The following GRIK4 variants were observed in gnomAD, a reference collection of about 807,000 sequenced individuals.
GRIK4 encodes the protein glutamate receptor ionotropic, kainate 4.
A neutral mutation model predicts 104.9 loss-of-function variants in GRIK4; 40 were observed. The ratio of observed to expected loss-of-function variants is 0.38; its 90% CI spans 0.30 to 0.50. The LOEUF (loss-of-function observed/expected upper bound fraction) is 0.50. Among genes scored for constraint, GRIK4 ranks in the 20% least tolerant of loss-of-function variants. The probability of loss-of-function intolerance (pLI) is 0.93; values close to 1 mark genes in which losing one functional copy is unlikely to be tolerated. For missense variants in GRIK4, 1,047 were observed against 1,308.1 expected (o/e 0.80, Z 3.08); for synonymous variants, 485 against 524.9 (o/e 0.92, Z 1.04).
At chr11:120,855,167 G>A (rs1343350975) in intron 8 of GRIK4, among the ~76,000 whole-genome samples, 1 of 152,204 alleles carries the variant, frequency 6.6e-6, no homozygotes, top group Non-Finnish European at 1.5e-5. Context: ...AGGGGCGGCT[G>A]AGGCTGCTGG....
intron 8 of GRIK4, among the ~76,000 whole-genome samples, chr11:120,846,582 C>T (rs1953857634): frequency 6.6e-6 from 1 of 152,102 alleles, no homozygotes; most frequent in Non-Finnish European, 1.5e-5. Flanking sequence ...GAGAGGTGGA[C>T]CCAGAGCCAG....
At chr11:120,606,344 C>G (rs879193460) in intron 1 of GRIK4, among the ~76,000 whole-genome samples, 1 of 152,178 alleles carries the variant, frequency 6.6e-6, no homozygotes, top group Admixed American at 6.5e-5. Flanking sequence ...TTGGCATGGA[C>G]CATGGCAGGC....
chr11:120,871,350 G>A (rs73007813), intron 9 of GRIK4: 7,487 of 312,146 alleles, frequency 0.024, 147 homozygotes, highest in Non-Finnish European at 0.037. Context: ...GGACAAGGAC[G>A]GTTGTAGGCT....
intron 1 of GRIK4, among the ~76,000 whole-genome samples, chr11:120,540,272 A>C (rs1343772604): frequency 6.6e-6 from 1 of 152,230 alleles, no homozygotes; most frequent in Admixed American, 6.5e-5. Flanking sequence ...GGTCTGGCAA[A>C]GGGACAGGGG....
Position 120,842,759 on chromosome 11 carries a change from G to A in GRIK4, c.744+5915G>A, listed in dbSNP as rs146336240. Reference sequence around the variant, plus strand: ...TCTCTGTCTTCCAGTCAGCCTCTGGGTTTGGTTGGGGGAAACCTTTGTTGT... The same window carrying A: ...TCTCTGTCTTCCAGTCAGCCTCTGGATTTGGTTGGGGGAAACCTTTGTTGT... On this transcript the variant is annotated intron_variant, in intron 8 of 20. Transcript: ENST00000527524. Among the ~76,000 whole-genome samples, 762 of 152,370 alleles carry A rather than the reference G, an allele frequency of 5.0e-3. 6 individuals are homozygous for A. Among genetic ancestry groups the A allele is most frequent in the African/African-American group, 0.016 (679 of 41,584 alleles).
intron 9 of GRIK4, among the ~76,000 whole-genome samples, chr11:120,864,451 A>G (rs975590641): frequency 1.3e-5 from 2 of 152,054 alleles, no homozygotes; most frequent in African/African-American, 4.8e-5. Flanking sequence ...CGTGTTAGCC[A>G]GGAGTGTCTC....
chr11:120,831,991 C>T lies in GRIK4; in HGVS notation c.651C>T (p.Ile217=), dbSNP rs1177434041. The T allele has an allele frequency of 6.2e-7, 1 of 1,613,824 alleles. No homozygotes were observed. The highest frequency in any genetic ancestry group is 1.3e-5 in the African/African-American group (1 of 75,026). Residue 217 remains isoleucine (I), a synonymous_variant, in exon 7 of 21, where the codon ATC becomes ATT. Transcript: ENST00000527524. ...ACGACAAGACCGCCACCATCATCAT[C>T]CACGCCAACGCCTCCATGTCCCACA... ...IRDDKTATII[I]HANASMSHTI... is the part of the protein sequence containing the mutation.
intron 13 of GRIK4, among the ~76,000 whole-genome samples, chr11:120,931,327 G>A (rs1200426370): frequency 1.3e-5 from 2 of 152,158 alleles, no homozygotes; most frequent in Non-Finnish European, 2.9e-5. Context: ...CAAGGACTTA[G>A]GCACCCCTTG....
At chr11:120,558,376 A>G (rs1398094453) in intron 1 of GRIK4, among the ~76,000 whole-genome samples, 1 of 152,208 alleles carries the variant, frequency 6.6e-6, no homozygotes, top group African/African-American at 2.4e-5. Flanking sequence ...TCATGATGTC[A>G]GGAGATTGAG....
intron 1 of GRIK4, among the ~76,000 whole-genome samples, chr11:120,530,720 G>T (rs1947914497): frequency 6.6e-6 from 1 of 152,126 alleles, no homozygotes; most frequent in Non-Finnish European, 1.5e-5. Context: ...GCCTAAGAAG[G>T]TTCTAAGTCT....
intron 6 of GRIK4, among the ~76,000 whole-genome samples, chr11:120,824,496 T>C (rs1163842616): frequency 6.6e-6 from 1 of 152,044 alleles, no homozygotes; most frequent in African/African-American, 2.4e-5. Context: ...TGTATTTCCC[T>C]GCTATCTTCC....
chr11:120,915,984 TG>T (rs765902880), intron 13 of GRIK4, among the ~76,000 whole-genome samples: 58 of 152,288 alleles, frequency 3.8e-4, no homozygotes, highest in Non-Finnish European at 6.6e-4. Flanking sequence ...ATGTGAGAAC[TG>T]GTGTCTGGAA....
At chr11:120,911,331 C>T (rs1479875050) in intron 13 of GRIK4, among the ~76,000 whole-genome samples, 40 of 150,096 alleles carry the variant, frequency 2.7e-4, no homozygotes, top group Non-Finnish European at 3.6e-4. Context: ...CTCCGCCTCC[C>T]GGGTTCACGC....
At chr11:120,876,240 C>T (rs1336187262) in intron 11 of GRIK4, among the ~76,000 whole-genome samples, 1 of 143,910 alleles carries the variant, frequency 6.9e-6, no homozygotes, top group African/African-American at 2.6e-5. Context: ...CGATTACTAC[C>T]ACCACCACCA....
At chr11:120,929,041 GTC>G (rs1943424433) in intron 13 of GRIK4, among the ~76,000 whole-genome samples, 3 of 151,972 alleles carry the variant, frequency 2.0e-5, no homozygotes, top group Non-Finnish European at 4.4e-5. Context: ...GTGTGTGTGT[GTC>G]TGTGTGTTGG....
At chr11:120,880,928 A>T (rs1034989799) in intron 11 of GRIK4, among the ~76,000 whole-genome samples, 1 of 152,214 alleles carries the variant, frequency 6.6e-6, no homozygotes, top group Non-Finnish European at 1.5e-5. Context: ...TTCATGAATC[A>T]TGGTTCCCTC....
At chr11:120,540,528 C>T (rs1237978996) in intron 1 of GRIK4, among the ~76,000 whole-genome samples, 6 of 152,090 alleles carry the variant, frequency 3.9e-5, no homozygotes, top group South Asian at 4.1e-4. Flanking sequence ...GCAGGAGAAT[C>T]GCTTGAACCC....
At chr11:120,660,199 C>T in intron 2 of GRIK4, 70 bp from the exon 3 acceptor site, 2 of 707,362 alleles carry the variant, frequency 2.8e-6, no homozygotes, top group South Asian at 3.3e-5. Context: ...TCCTGGGTGT[C>T]ACTGGGATGG....
intron 10 of GRIK4, 104 bp downstream of exon 10, chr11:120,874,322 G>A (rs2135679820): frequency 2.2e-6 from 2 of 891,986 alleles, no homozygotes; most frequent in Non-Finnish European, 3.4e-6. Context: ...CTCGAAATGT[G>A]TCTGTTATTA....
Sources: allele counts gnomAD v4.1 joint callset (sites outside exome capture counted in the v4.1 genomes callset), GRCh38; gene constraint gnomAD v4.1.1; transcripts MANE v1.5; gene names NCBI Gene and HGNC (gene_info 2026-07-23, HGNC 2026-07-21).